Variants in ZRANB3 observed in about 807,000 individuals in gnomAD.
ZRANB3 encodes DNA annealing helicase and endonuclease ZRANB3.
Under a neutral mutation model 133.8 loss-of-function variants are expected in ZRANB3, and 125 were observed. The ratio of observed to expected loss-of-function variants is 0.93; its 90% CI spans 0.81 to 1.08. The LOEUF (loss-of-function observed/expected upper bound fraction) is 1.08, where lower values mean the gene tolerates loss of function less well. ZRANB3 is among the 50% of genes least tolerant of loss of function. The pLI is 0.00. For missense variants in ZRANB3, 1,229 were observed against 1,275.5 expected (o/e 0.96, Z 0.56); for synonymous variants, 387 against 432.7 (o/e 0.89, Z 1.31).
chr2:135,375,433 C>G (rs1686378200), intron 3 of ZRANB3, among the ~76,000 whole-genome samples: 1 of 152,096 alleles, frequency 6.6e-6, no homozygotes, highest in African/African-American at 2.4e-5. Context: ...CTCCTGTAAT[C>G]CCACCACTTT....
chr2:135,420,065 G>A (rs1021217558), intron 2 of ZRANB3, among the ~76,000 whole-genome samples: 12 of 131,918 alleles, frequency 9.1e-5, no homozygotes, highest in Non-Finnish European at 1.6e-4. Context: ...TAGATTTTAC[G>A]TAAGATACAT....
intron 12 of ZRANB3, 144 bp from the exon 13 acceptor site, chr2:135,231,071 C>T (rs945218680): frequency 1.4e-5 from 8 of 588,774 alleles, no homozygotes; most frequent in Non-Finnish European, 2.2e-5. Flanking sequence ...TATGCTCTGA[C>T]TCTTCATATA....
chr2:135,387,532 T>A (rs547854839), intron 3 of ZRANB3, among the ~76,000 whole-genome samples: 2 of 152,328 alleles, frequency 1.3e-5, no homozygotes, highest in South Asian at 2.1e-4. Context: ...TGATCTTACG[T>A]CTTGTATGTC....
At chr2:135,458,844 T>A (rs570491058) in intron 2 of ZRANB3, among the ~76,000 whole-genome samples, 1 of 152,134 alleles carries the variant, frequency 6.6e-6, no homozygotes, top group Non-Finnish European at 1.5e-5. Flanking sequence ...GTACCTTACA[T>A]ACATTACTTT....
At chr2:135,483,025 T>G (rs1376952737) in intron 2 of ZRANB3, among the ~76,000 whole-genome samples, 1 of 152,154 alleles carries the variant, frequency 6.6e-6, no homozygotes, top group Non-Finnish European at 1.5e-5. Flanking sequence ...TTGCCAATAT[T>G]TTATTGAGGA....
chr2:135,293,294 T>C (rs1277311165), intron 8 of ZRANB3, among the ~76,000 whole-genome samples: 1 of 152,066 alleles, frequency 6.6e-6, no homozygotes, highest in Admixed American at 6.6e-5. Flanking sequence ...GTAGTTCTCC[T>C]TGAAGAGGTC....
intron 2 of ZRANB3, among the ~76,000 whole-genome samples, chr2:135,444,337 A>G (rs114622785): frequency 5.9e-5 from 9 of 152,346 alleles, no homozygotes; most frequent in Non-Finnish European, 1.3e-4. Flanking sequence ...TAACAGCTTT[A>G]TGCATAATAG....
intron 1 of ZRANB3, among the ~76,000 whole-genome samples, chr2:135,514,239 C>A (rs1368677216): frequency 6.6e-6 from 1 of 152,190 alleles, no homozygotes; most frequent in Non-Finnish European, 1.5e-5. Flanking sequence ...GGCAATATGG[C>A]CACTTTCACA....
Position 135,207,475 on chromosome 2 carries a change from G to A in ZRANB3, c.2968C>T (p.Leu990Phe). 1.2e-6 allele frequency: 2 copies of A among 1,613,756 alleles called. No individual in the cohort carries two copies. Among genetic ancestry groups the A allele is most frequent in the East Asian group, 2.2e-5 (1 of 44,878 alleles). Reference sequence around the variant, plus strand: ...TTTGAAGTCCAGGTAGCATACAGAAGATTCTTCCTCTGACTTTTAGGGGCA... The same window carrying A: ...TTTGAAGTCCAGGTAGCATACAGAAAATTCTTCCTCTGACTTTTAGGGGCA... ...RDAPKSQRKNLLYATWTSKLP... is the reference protein window; with the variant it reads ...RDAPKSQRKNFLYATWTSKLP... Residue 990 changes from leucine to phenylalanine, a missense_variant, in exon 19 of 21, where the codon CTT (leucine) becomes TTT (phenylalanine). Coordinates refer to ENST00000264159, the MANE Select transcript of ZRANB3 (RefSeq NM_032143.4).
intron 19 of ZRANB3, among the ~76,000 whole-genome samples, chr2:135,205,905 G>A (rs1693835855): frequency 6.6e-6 from 1 of 152,138 alleles, no homozygotes; most frequent in African/African-American, 2.4e-5. Context: ...ATGGAAAGGG[G>A]AATCGCCAGA....
At chr2:135,351,550 A>G (rs571309863) in intron 4 of ZRANB3, among the ~76,000 whole-genome samples, 1 of 152,214 alleles carries the variant, frequency 6.6e-6, no homozygotes, top group Non-Finnish European at 1.5e-5. Flanking sequence ...CGAGACCTAT[A>G]ATTTTCTCAC....
chr2:135,383,539 A>C (rs1038097168), intron 3 of ZRANB3, among the ~76,000 whole-genome samples: 4 of 152,196 alleles, frequency 2.6e-5, no homozygotes, highest in Admixed American at 2.6e-4. Flanking sequence ...TCAACAGAAT[A>C]TACATTCTTC....
At chr2:135,215,037 C>G (rs1238037130) in intron 17 of ZRANB3, among the ~76,000 whole-genome samples, 1 of 151,020 alleles carries the variant, frequency 6.6e-6, no homozygotes, top group Non-Finnish European at 1.5e-5. Flanking sequence ...CCTGCCTCAG[C>G]CTCCCGAATA....
At chr2:135,389,985 A>G (rs1687153431) in intron 3 of ZRANB3, among the ~76,000 whole-genome samples, 1 of 138,648 alleles carries the variant, frequency 7.2e-6, no homozygotes, top group East Asian at 2.2e-4. Flanking sequence ...GGTTCATGCC[A>G]TTCTCCTGCC....
chr2:135,477,096 T>C lies in ZRANB3; in HGVS notation c.161+27233A>G, dbSNP rs374929023. ...TGCTTATACATCATCACTTTTTAAT[T>C]AGTGATTTTAAATTTAGTGTTTAAT... On this transcript the variant is annotated intron_variant, in intron 2 of 20. Transcript: ENST00000264159. 7.2e-5 allele frequency among the ~76,000 whole-genome samples: 11 copies of C among 152,324 alleles called. No individual in the cohort carries two copies. The South Asian group carries it at 2.3e-3, about 32-fold the overall frequency.
In ZRANB3 at chr2:135,387,154, T is replaced by TA. The variant is rs548367638; in HGVS notation, c.180+3647dup. On this transcript the variant is annotated intron_variant, in intron 3 of 20. Coordinates refer to ENST00000264159, the MANE Select transcript of ZRANB3 (RefSeq NM_032143.4). Reference sequence around the variant, plus strand: ...CTCCAAGTGAGTATTCAAGAGTTTATAAAAAAAAAAGTAGGTTCAATAACA... The same window carrying TA: ...CTCCAAGTGAGTATTCAAGAGTTTATAAAAAAAAAAAGTAGGTTCAATAACA... Among the ~76,000 whole-genome samples, 107 of 147,736 alleles carry TA rather than the reference T, an allele frequency of 7.2e-4. No homozygotes were observed. The South Asian group carries it at 7.7e-3, about 11-fold the overall frequency.
At chr2:135,437,596 T>C (rs1327292712) in intron 2 of ZRANB3, among the ~76,000 whole-genome samples, 3 of 152,228 alleles carry the variant, frequency 2.0e-5, no homozygotes, top group Non-Finnish European at 4.4e-5. Flanking sequence ...GGGCCCTTTC[T>C]GCACATATGA....
chr2:135,505,999 C>A (rs922164241), intron 1 of ZRANB3, among the ~76,000 whole-genome samples: 1 of 151,994 alleles, frequency 6.6e-6, no homozygotes, highest in African/African-American at 2.4e-5. Context: ...TAAAAAGCCA[C>A]CCAGGATCAA....
chr2:135,216,611 T>C (rs955271726), intron 17 of ZRANB3, among the ~76,000 whole-genome samples: 1 of 152,058 alleles, frequency 6.6e-6, no homozygotes, highest in Middle Eastern at 3.4e-3. Context: ...ATTTTTTTTT[T>C]TTTTTTTTAT....
Sources: gnomAD v4.1 joint callset for allele counts (sites outside exome capture counted in the v4.1 genomes callset) on GRCh38, gnomAD v4.1.1 for gene constraint, MANE v1.5 for transcripts, NCBI Gene and HGNC (gene_info 2026-07-23, HGNC 2026-07-21) for gene names.